DDX42: variants seen among roughly 807,000 people sequenced by gnomAD.
DDX42 encodes ATP-dependent RNA helicase DDX42.
DDX42 carries 22 observed loss-of-function variants against 101.5 expected under a neutral mutation model. That is an observed-to-expected ratio of 0.22 (90% CI 0.15 to 0.31). The LOEUF is 0.31. DDX42 is among the 10% of genes least tolerant of loss of function. DDX42 has a pLI of 1.00. For synonymous variants in DDX42, 402 were observed against 401.2 expected (o/e 1.00, Z -0.02); for missense variants, 849 against 1,199.9 (o/e 0.71, Z 4.32).
At chr17:63,782,493 T>C (rs1250226274) in intron 1 of DDX42, among the ~76,000 whole-genome samples, 1 of 152,134 alleles carries the variant, frequency 6.6e-6, no homozygotes, top group Non-Finnish European at 1.5e-5. Context: ...CAAACCTGGC[T>C]CTTTTAGGTT....
chr17:63,792,631 AAT>A (rs1567734556), intron 3 of DDX42, 69 bp downstream of exon 3: 35 of 1,455,656 alleles, frequency 2.4e-5, no homozygotes, highest in Non-Finnish European at 2.7e-6. Flanking sequence ...TAGTACTTCA[AAT>A]CTTATTCAAA....
chr17:63,784,780 AT>A (rs11429494), intron 1 of DDX42, among the ~76,000 whole-genome samples: 8 of 149,680 alleles, frequency 5.3e-5, no homozygotes, highest in Admixed American at 6.7e-5. Context: ...TTAAAAAAAG[AT>A]TTTTTTTTTT....
intron 10 of DDX42, 111 bp downstream of exon 10, chr17:63,809,059 T>C (rs1406088000): frequency 1.8e-5 from 26 of 1,443,990 alleles, no homozygotes; most frequent in Non-Finnish European, 2.4e-5. Flanking sequence ...GTTGAAAATA[T>C]ACTGATGAAC....
chr17:63,814,307 C>T (rs9895112), intron 15 of DDX42, among the ~76,000 whole-genome samples: 6,427 of 152,228 alleles, frequency 0.042, 474 homozygotes, highest in African/African-American at 0.15. Context: ...CAAATGGGTT[C>T]GGAACACTTT....
At position 63,799,249 on chromosome 17, in the gene DDX42, C is replaced by T. The variant is rs1165946655; in HGVS notation, c.435-340C>T. On this transcript the variant is annotated intron_variant, in intron 4 of 17. Coordinates refer to ENST00000389924, the MANE Select transcript of DDX42 (RefSeq NM_203499.3). Reference sequence around the variant, plus strand: ...TTTTTTTTCTTTTTAGTATGAAATACTTTTCACAACCGCATTGTTTGTTGT... The same window carrying T: ...TTTTTTTTCTTTTTAGTATGAAATATTTTTCACAACCGCATTGTTTGTTGT... 2.6e-5 allele frequency among the ~76,000 whole-genome samples: 4 copies of T among 151,938 alleles called. No homozygotes were observed. The East Asian group carries it at 7.7e-4, about 29-fold the overall frequency.
chr17:63,780,288 C>G (rs1246113764), intron 1 of DDX42, among the ~76,000 whole-genome samples: 4 of 125,710 alleles, frequency 3.2e-5, no homozygotes, highest in Non-Finnish European at 6.4e-5. Flanking sequence ...AAGAGCGAAA[C>G]TGTCTCAAAA....
chr17:63,810,418 C>T (rs1053013173), intron 11 of DDX42, 95 bp from the exon 12 acceptor site: 1 of 1,338,362 alleles, frequency 7.5e-7, no homozygotes, highest in Non-Finnish European at 1.0e-6. Flanking sequence ...TTAATTCTTA[C>T]AACTTCTTAT....
chr17:63,797,919 A>C (rs1052619477), intron 3 of DDX42, 119 bp from the exon 4 acceptor site: 2 of 879,746 alleles, frequency 2.3e-6, no homozygotes, highest in African/African-American at 1.7e-5. Context: ...ATTTGATGGC[A>C]TCAAAATGCA....
At position 63,813,212 on chromosome 17, in the gene DDX42, T is replaced by C; in HGVS notation, c.1676-16T>C. On this transcript the variant is annotated splice_polypyrimidine_tract_variant and intron_variant, in intron 14 of 17. Transcript: ENST00000389924. ...ACAGATGAAGAATAAAAGAATTTGG[T>C]TGCTTTTTATTTCAGCCCGTGGTCT... 6.3e-7 allele frequency: 1 copy of C among 1,578,438 alleles called. No individual in the cohort carries two copies. Among genetic ancestry groups the C allele is most frequent in the Non-Finnish European group, 8.6e-7 (1 of 1,156,766 alleles).
chr17:63,813,821 A>G (rs924928435), intron 15 of DDX42, among the ~76,000 whole-genome samples: 1 of 151,788 alleles, frequency 6.6e-6, no homozygotes, highest in Admixed American at 6.6e-5. Flanking sequence ...TTAAAACAAT[A>G]TGTGTATAGT....
intron 11 of DDX42, chr17:63,810,285 A>G (rs1962354772): frequency 6.5e-6 from 1 of 154,698 alleles, no homozygotes; most frequent in Non-Finnish European, 1.2e-5. Context: ...TATTTTTAGT[A>G]GAGATAGCTG....
In DDX42 at chr17:63,807,730, C is replaced by T. The variant is rs374568330; in HGVS notation, c.853C>T (p.Pro285Ser). ...TATTTTACTTTTTCTCCAGGGTGTGCCTGTGGCATTAAGTGGTAGAGACAT... is the reference window on the plus strand; with the variant it reads ...TATTTTACTTTTTCTCCAGGGTGTGTCTGTGGCATTAAGTGGTAGAGACAT... ...QPTPIQCQGV[P>S]VALSGRDMIG... is the part of the protein sequence containing the mutation. The change falls in exon 9 of 18, where the codon CCT becomes TCT. Residue 285 changes from proline (P) to serine (S), a missense_variant. This residue lies in a region of DDX42 where 370 missense variants were observed against 608.8 expected (regional missense o/e 0.61). Coordinates refer to ENST00000389924, the MANE Select transcript of DDX42 (RefSeq NM_203499.3). 1 of 1,611,686 alleles carries T rather than the reference C, an allele frequency of 6.2e-7. No individual in the cohort carries two copies. The highest frequency in any genetic ancestry group is 1.3e-5 in the African/African-American group (1 of 74,736).
rs150700586 is a variant in DDX42, at chr17:63,788,369, C to T, written c.221+1099C>T. Reference sequence around the variant, plus strand: ...TCACCCAGGCTGGAATGCAGTAGCGCGATCTTGGCTCACTGCAACCTCCGC... The same window carrying T: ...TCACCCAGGCTGGAATGCAGTAGCGTGATCTTGGCTCACTGCAACCTCCGC... On this transcript the variant is annotated intron_variant, in intron 2 of 17. Coordinates refer to ENST00000389924, the MANE Select transcript of DDX42 (RefSeq NM_203499.3). Among the ~76,000 whole-genome samples, 199 of 147,922 alleles carry T rather than the reference C, an allele frequency of 1.3e-3. 3 individuals carry two copies. The highest frequency in any genetic ancestry group is 7.0e-3 in the Middle Eastern group (2 of 286).
rs768807794 is a variant in DDX42 at position 63,808,876 on chromosome 17, A to G, written c.1080A>G (p.Val360=). ...CATATAATCTTCGATCAGTGGCCGT[A>G]TATGGAGGAGGGAGTATGTGGGAGC... The part of the protein sequence containing the change: ...GKAYNLRSVA[V]YGGGSMWEQA... Residue 360 remains valine, a synonymous_variant, in exon 10 of 18, where the codon GTA becomes GTG. Transcript: ENST00000389924. 6.2e-7 allele frequency: 1 copy of G among 1,613,992 alleles called. No homozygotes were observed. The highest frequency in any genetic ancestry group is 8.5e-7 in the Non-Finnish European group (1 of 1,179,980).
In DDX42 at chr17:63,779,950, C is replaced by T. The variant is rs143151086; in HGVS notation, c.-17+5574C>T. On this transcript the variant is annotated intron_variant, in intron 1 of 17. Transcript: ENST00000389924. ...GCTTCTTCTGTCAGCTATACTCCCACAAATCTCTGTGATTGTCAAGGTTCA... is the reference window on the plus strand; with the variant it reads ...GCTTCTTCTGTCAGCTATACTCCCATAAATCTCTGTGATTGTCAAGGTTCA... 6.4e-4 allele frequency among the ~76,000 whole-genome samples: 97 copies of T among 152,298 alleles called. 2 individuals are homozygous for T. Among genetic ancestry groups the T allele is most frequent in the African/African-American group, 1.8e-3 (74 of 41,564 alleles).
At chr17:63,807,634 G>T in intron 8 of DDX42, 90 bp from the exon 9 acceptor site, 1 of 1,237,714 alleles carries the variant, frequency 8.1e-7, no homozygotes, top group African/African-American at 1.5e-5. Flanking sequence ...AAATAAAAAT[G>T]TTAGTAGTCA....
intron 17 of DDX42, chr17:63,817,488 T>G (rs1440935925): frequency 1.8e-6 from 1 of 549,688 alleles, no homozygotes; most frequent in Non-Finnish European, 3.2e-6. Flanking sequence ...TTCAGAACAC[T>G]GGGGGTCCAT....
chr17:63,781,285 T>C (rs1057042528), intron 1 of DDX42, among the ~76,000 whole-genome samples: 6 of 152,294 alleles, frequency 3.9e-5, no homozygotes, highest in Admixed American at 3.9e-4. Context: ...TAGCCGGATC[T>C]TGGCTCACCG....
intron 2 of DDX42, among the ~76,000 whole-genome samples, chr17:63,788,457 C>T (rs956444153): frequency 6.6e-6 from 1 of 151,402 alleles, no homozygotes; most frequent in Admixed American, 6.6e-5. Context: ...CAGGCACGTG[C>T]CACCATGCCC....
Sources: gnomAD v4.1 joint callset for allele counts (sites outside exome capture counted in the v4.1 genomes callset) on GRCh38, gnomAD v4.1.1 for gene constraint, gnomAD v4.1.1 regional missense constraint, MANE v1.5 for transcripts, NCBI Gene and HGNC (gene_info 2026-07-23, HGNC 2026-07-21) for gene names.